The following LRGUK variants were observed in gnomAD, a reference collection of about 807,000 sequenced individuals.
LRGUK encodes leucine rich repeats and guanylate kinase domain containing.
Under a neutral mutation model 76.0 loss-of-function variants are expected in LRGUK, and 65 were observed. The observed-to-expected ratio is 0.85, with a 90% CI of 0.70 to 1.05. The LOEUF is 1.05. Ranked by LOEUF, LRGUK falls within the 50% of genes least tolerant of loss-of-function variation. The pLI is 0.00. For synonymous variants in LRGUK, 268 were observed against 265.6 expected, an observed-to-expected ratio of 1.01 and a Z score of -0.09; for missense variants, 758 against 732.8, an observed-to-expected ratio of 1.03 and a Z score of -0.40.
chr7:134,186,401 A>ATT (rs1563169321), intron 11 of LRGUK, among the ~76,000 whole-genome samples: 1 of 152,164 alleles, frequency 6.6e-6, no homozygotes, highest in Non-Finnish European at 1.5e-5. Context: ...TCTGTAGCCC[A>ATT]TTGAGGGCAG....
At chr7:134,220,921 T>C (rs1801576639) in intron 15 of LRGUK, among the ~76,000 whole-genome samples, 1 of 152,090 alleles carries the variant, frequency 6.6e-6, no homozygotes, top group Non-Finnish European at 1.5e-5. Context: ...CCCCCTCTCA[T>C]ACCATGTATT....
intron 7 of LRGUK, among the ~76,000 whole-genome samples, chr7:134,166,426 A>G (rs1218212626): frequency 6.6e-6 from 1 of 152,136 alleles, no homozygotes; most frequent in Admixed American, 6.5e-5. Flanking sequence ...TAGCTCTATT[A>G]TAACCTCAGT....
intron 16 of LRGUK, among the ~76,000 whole-genome samples, chr7:134,230,872 C>T (rs1801872509): frequency 6.6e-6 from 1 of 152,182 alleles, no homozygotes; most frequent in Admixed American, 6.6e-5. Flanking sequence ...GAGTGCTTAT[C>T]TCCAGAGGGG....
At chr7:134,219,488 G>A (rs899710947) in intron 15 of LRGUK, among the ~76,000 whole-genome samples, 4 of 152,144 alleles carry the variant, frequency 2.6e-5, no homozygotes, top group African/African-American at 9.7e-5. Flanking sequence ...TTTGAATAAA[G>A]TTTTATGTAT....
At chr7:134,258,336 C>A (rs771439677) in exon 19 of LRGUK, 3 of 1,614,092 alleles carry the variant, frequency 1.9e-6, no homozygotes, top group South Asian at 2.2e-5. Context: ...TTTCCAGCCT[C>A]CGGAGGGGAG....
Position 134,176,270 on chromosome 7 carries a change from CG to C in LRGUK, c.1021-703del, listed in dbSNP as rs372422055. ...TATCAGGATAAATAGCTAATGCATG[CG>C]GGGCTTAATACCTAGGTGATGGGTT... On this transcript the variant is annotated intron_variant, in intron 8 of 15. Coordinates refer to ENST00000645682, the Ensembl canonical transcript of LRGUK. Among the ~76,000 whole-genome samples, 155 of 152,248 alleles carry C rather than the reference CG, an allele frequency of 1.0e-3. 2 individuals are homozygous for C. The highest frequency in any genetic ancestry group is 3.5e-3 in the African/African-American group (144 of 41,554).
intron 15 of LRGUK, 38 bp downstream of exon 15, chr7:134,201,614 T>A (rs1413735853): frequency 1.3e-6 from 2 of 1,522,524 alleles, no homozygotes; most frequent in Non-Finnish European, 1.8e-6. Flanking sequence ...ATTTTTTTTT[T>A]TTTCATGGAA....
chr7:134,159,420 A>G (rs1207231595), intron 6 of LRGUK, among the ~76,000 whole-genome samples: 1 of 151,372 alleles, frequency 6.6e-6, no homozygotes, highest in African/African-American at 2.4e-5. Flanking sequence ...TTTCTGTCTT[A>G]TTTAACCATA....
At chr7:134,173,513 A>G in intron 7 of LRGUK, among the ~76,000 whole-genome samples, 1 of 152,216 alleles carries the variant, frequency 6.6e-6, no homozygotes, top group East Asian at 1.9e-4. Flanking sequence ...TAATTACAGA[A>G]TATTTAAGTA....
At chr7:134,127,382 G>C (rs764899422) in exon 1 of LRGUK, 8 of 1,604,924 alleles carry the variant, frequency 5.0e-6, no homozygotes, top group Non-Finnish European at 6.8e-6. Flanking sequence ...CGACCTCCGA[G>C]AGGGCTCTCC....
chr7:134,158,049 G>A (rs994266528), exon 6 of LRGUK: 2 of 1,612,022 alleles, frequency 1.2e-6, no homozygotes, highest in African/African-American at 2.7e-5. Flanking sequence ...TGAGATAGAA[G>A]AAATCAGTGG....
downstream of LRGUK, among the ~76,000 whole-genome samples, chr7:134,212,854 G>A (rs552497056): frequency 3.9e-5 from 6 of 152,246 alleles, no homozygotes; most frequent in East Asian, 1.2e-3. Context: ...GGCAGCTGAA[G>A]GCCCCACAGC....
intron 18 of LRGUK, 59 bp from the exon 19 acceptor site, chr7:134,258,198 G>T (rs1802631225): frequency 3.7e-6 from 6 of 1,604,352 alleles, no homozygotes; most frequent in Non-Finnish European, 5.1e-6. Flanking sequence ...TAGATCGTGT[G>T]GCCATTAGTA....
intron 1 of LRGUK, among the ~76,000 whole-genome samples, chr7:134,132,703 G>T (rs1296168701): frequency 6.6e-6 from 1 of 152,202 alleles, no homozygotes; most frequent in African/African-American, 2.4e-5. Flanking sequence ...ACAGAGAATG[G>T]TGGGTTCAAA....
intron 7 of LRGUK, among the ~76,000 whole-genome samples, chr7:134,168,017 T>G (rs1008628028): frequency 2.0e-5 from 3 of 152,180 alleles, no homozygotes; most frequent in Admixed American, 6.5e-5. Context: ...GGACTTTATC[T>G]TGTTCACTTT....
intron 6 of LRGUK, among the ~76,000 whole-genome samples, chr7:134,159,557 A>C (rs1241394190): frequency 6.6e-6 from 1 of 151,994 alleles, no homozygotes; most frequent in African/African-American, 2.4e-5. Context: ...TTGGGAGGCT[A>C]AGGCGGGTGG....
rs181139200 is a variant in LRGUK at position 134,228,642 on chromosome 7, G to T, written c.1983+6724G>T. On this transcript the variant is annotated intron_variant, in intron 16 of 19. Transcript: ENST00000285928. ...TGTATATTTTACCTCAATAAAAAAT[G>T]TTTAATTAAAATATAGAAATTAAAA... is the stretch of plus-strand genomic sequence containing the variant. 3.6e-3 allele frequency among the ~76,000 whole-genome samples: 551 copies of T among 152,104 alleles called. 3 individuals carry two copies. Among genetic ancestry groups the T allele is most frequent in the Admixed American group, 6.0e-3 (91 of 15,280 alleles).
At chr7:134,178,787 A>G (rs192753003) in intron 10 of LRGUK, among the ~76,000 whole-genome samples, 178 bp downstream of exon 10, 2 of 151,958 alleles carry the variant, frequency 1.3e-5, no homozygotes, top group African/African-American at 4.8e-5. Context: ...CCATTATGGT[A>G]TATTATTAAT....
At chr7:134,267,092 T>C (rs1802870175), downstream of LRGUK, among the ~76,000 whole-genome samples, 2 of 151,974 alleles carry the variant, frequency 1.3e-5, no homozygotes, top group African/African-American at 4.8e-5. Context: ...AAAACAAAAA[T>C]AATTTGTTGC....
Sources: gnomAD v4.1 joint callset for allele counts (sites outside exome capture counted in the v4.1 genomes callset) on GRCh38, gnomAD v4.1.1 for gene constraint, MANE v1.5 for transcripts, NCBI Gene and HGNC (gene_info 2026-07-23, HGNC 2026-07-21) for gene names.